The following PCDH11Y variants were observed in gnomAD, a reference collection of about 807,000 sequenced individuals.
The protein encoded by PCDH11Y is protocadherin 11 Y-linked, also known as protocadherin-11 Y-linked.
For missense variants in PCDH11Y, 12 were observed against 224.8 expected (o/e 0.05, Z 6.05); for synonymous variants, 9 against 83.6 (o/e 0.11, Z 4.87).
chrY:5,046,380 G>A, intron 3 of PCDH11Y, among the ~76,000 whole-genome samples: 1 of 33,380 alleles, frequency 3.0e-5, no homozygotes, highest in African/African-American at 1.2e-4. Context: ...AGTGTGAGGT[G>A]TCAGTGTGCC....
At chrY:5,485,568 C>T in intron 2 of PCDH11Y, among the ~76,000 whole-genome samples, 1 of 29,778 alleles carries the variant, frequency 3.4e-5, no homozygotes, top group Non-Finnish European at 8.0e-5. Context: ...CAAAATGAGA[C>T]ATTTTAAAGA....
At chrY:5,687,752 G>A in intron 4 of PCDH11Y, among the ~76,000 whole-genome samples, 2 of 32,806 alleles carry the variant, frequency 6.1e-5, no homozygotes, top group Admixed American at 5.6e-4. Flanking sequence ...AGAATAAACC[G>A]TAAGTCAATT....
At chrY:5,360,705 C>G in intron 2 of PCDH11Y, among the ~76,000 whole-genome samples, 2 of 32,704 alleles carry the variant, frequency 6.1e-5, no homozygotes, top group African/African-American at 1.2e-4. Context: ...CTGTTAAGCA[C>G]TATTCATTAG....
At chrY:5,154,997 AG>A (rs2052868195) in intron 2 of PCDH11Y, among the ~76,000 whole-genome samples, 71 of 32,817 alleles carry the variant, frequency 2.2e-3, no homozygotes, top group Non-Finnish European at 6.0e-4. Flanking sequence ...GAAAAAGCAA[AG>A]GATATGTGGA....
rs2052708507 is a variant in PCDH11Y at position 5,076,157 on chromosome Y, GATTA to G, written c.636+18703_636+18706del. 2.4e-4 allele frequency among the ~76,000 whole-genome samples: 8 copies of G among 33,648 alleles called. No homozygotes were observed. In the South Asian group the frequency reaches 5.2e-3, roughly 22 times the overall value. The allele number at this position is 33,648 out of a possible 37,273, so 90.3% of individuals were successfully genotyped here. ...TAGTTTTGATTTGCATTTCTCTGAT[GATTA>G]ATTATGTCAAACATCTTTTCATATG... is the stretch of plus-strand genomic sequence containing the variant. On this transcript the variant is annotated intron_variant, in intron 1 of 1. Transcript: ENST00000215473.
At chrY:5,432,460 G>T in intron 2 of PCDH11Y, among the ~76,000 whole-genome samples, 5 of 33,133 alleles carry the variant, frequency 1.5e-4, no homozygotes, top group African/African-American at 2.4e-4. Context: ...CTTTTCTACA[G>T]TGTCAACCAG....
intron 4 of PCDH11Y, among the ~76,000 whole-genome samples, chrY:5,633,067 C>T: frequency 3.2e-5 from 1 of 31,509 alleles, no homozygotes; most frequent in African/African-American, 1.2e-4. Flanking sequence ...GTGGCCACCC[C>T]AATTCTGAGC....
At chrY:5,133,386 TA>T (rs2052835896) in intron 2 of PCDH11Y, among the ~76,000 whole-genome samples, 1 of 30,967 alleles carries the variant, frequency 3.2e-5, no homozygotes, top group African/African-American at 1.3e-4. Context: ...ATTTTATTTT[TA>T]TTTTTTATTT....
intron 2 of PCDH11Y, among the ~76,000 whole-genome samples, chrY:5,407,649 G>T (rs2053240095): frequency 3.1e-5 from 1 of 32,757 alleles, no homozygotes; most frequent in African/African-American, 1.2e-4. Context: ...CACGGTGGCT[G>T]AGGCCTGTAA....
At chrY:5,108,672 G>A, downstream of PCDH11Y, among the ~76,000 whole-genome samples, 3 of 27,523 alleles carry the variant, frequency 1.1e-4, no homozygotes, top group East Asian at 1.9e-3. Context: ...GCACGAACCC[G>A]GGAGGCGGAG....
intron 3 of PCDH11Y, among the ~76,000 whole-genome samples, chrY:5,040,648 T>C: frequency 6.5e-5 from 2 of 30,928 alleles, no homozygotes; most frequent in Non-Finnish European, 1.6e-4. Context: ...TGAAGGCTAA[T>C]GATAAATCAT....
intron 4 of PCDH11Y, among the ~76,000 whole-genome samples, chrY:5,635,392 T>C: frequency 3.1e-5 from 1 of 32,067 alleles, no homozygotes; most frequent in African/African-American, 1.2e-4. Flanking sequence ...TCTTAGACTA[T>C]TTCCAGTCAT....
chrY:5,583,328 GT>G (rs2053452393), intron 4 of PCDH11Y, among the ~76,000 whole-genome samples: 8 of 30,649 alleles, frequency 2.6e-4, no homozygotes, highest in Admixed American at 2.4e-3. Context: ...CTCCAATGTA[GT>G]TTTTTTTTGC....
intron 4 of PCDH11Y, among the ~76,000 whole-genome samples, chrY:5,682,239 GTTTTTTTTTTTTTTTTTTTTTTT>G: frequency 1.6e-3 from 4 of 2,428 alleles, no homozygotes; most frequent in Admixed American, 0.011. Flanking sequence ...TTGGTACCGT[GTTTTTTTTTTTTTTTTTTTTTTT>G]TTTTTTTTTT....
chrY:5,021,402 C>T (rs1602838217), intron 1 of PCDH11Y, among the ~76,000 whole-genome samples: 1 of 33,244 alleles, frequency 3.0e-5, no homozygotes, highest in Non-Finnish European at 7.4e-5. Flanking sequence ...GTGGCACACG[C>T]CTATAATCCC....
At chrY:5,138,930 C>T (rs2052844502) in intron 2 of PCDH11Y, among the ~76,000 whole-genome samples, 15 of 32,045 alleles carry the variant, frequency 4.7e-4, no homozygotes, top group Non-Finnish European at 7.7e-4. Flanking sequence ...CAAGAAAGGA[C>T]GTAACAAAAA....
chrY:5,162,644 A>G, intron 2 of PCDH11Y, among the ~76,000 whole-genome samples: 1 of 33,034 alleles, frequency 3.0e-5, no homozygotes. Context: ...GTAGAGATAC[A>G]TAAGATATTA....
intron 3 of PCDH11Y, among the ~76,000 whole-genome samples, chrY:5,523,533 G>A (rs2124690554): frequency 1.3e-4 from 4 of 31,680 alleles, no homozygotes; most frequent in African/African-American, 2.5e-4. Context: ...ATCTTATTTC[G>A]GAATTATAAG....
intron 2 of PCDH11Y, among the ~76,000 whole-genome samples, chrY:5,468,561 G>A: frequency 3.1e-5 from 1 of 31,864 alleles, no homozygotes; most frequent in Non-Finnish European, 7.7e-5. Flanking sequence ...GGCTGAGGAT[G>A]GAGCAAAGTT....
Sources: allele counts gnomAD v4.1 joint callset (sites outside exome capture counted in the v4.1 genomes callset), GRCh38; gene constraint gnomAD v4.1.1; transcripts MANE v1.5; gene names NCBI Gene and HGNC (gene_info 2026-07-23, HGNC 2026-07-21).